Variants in EIF4G3 observed in about 807,000 individuals in gnomAD.
EIF4G3 encodes eukaryotic translation initiation factor 4 gamma 3.
A neutral mutation model predicts 186.4 loss-of-function variants in EIF4G3; 34 were observed. The ratio of observed to expected loss-of-function variants is 0.18; its 90% CI spans 0.14 to 0.24. EIF4G3 has a LOEUF of 0.24. Among genes scored for constraint, EIF4G3 ranks in the 10% least tolerant of loss-of-function variants. EIF4G3 has a pLI of 1.00. For synonymous variants in EIF4G3, 673 were observed against 679.5 expected (o/e 0.99, Z 0.15); for missense variants, 1,536 against 1,948.5 (o/e 0.79, Z 3.99).
intron 15 of EIF4G3, among the ~76,000 whole-genome samples, chr1:20,900,275 C>T (rs1558143253): frequency 6.6e-6 from 1 of 152,066 alleles, no homozygotes; most frequent in Non-Finnish European, 1.5e-5. Context: ...CTAAAACAAG[C>T]ACTACACTAC....
chr1:20,931,337 A>G (rs1239890422), intron 14 of EIF4G3, among the ~76,000 whole-genome samples: 4 of 152,164 alleles, frequency 2.6e-5, no homozygotes, highest in African/African-American at 7.2e-5. Flanking sequence ...AATGTGCAGT[A>G]GTATTTTGAA....
intron 16 of EIF4G3, 71 bp downstream of exon 16, chr1:20,899,626 A>G: frequency 1.3e-6 from 2 of 1,556,016 alleles, no homozygotes; most frequent in East Asian, 4.5e-5. Context: ...TCTCTCTAAA[A>G]AGAGGCAACA....
intron 14 of EIF4G3, among the ~76,000 whole-genome samples, chr1:20,905,907 A>G (rs925253963): frequency 5.3e-5 from 8 of 152,202 alleles, no homozygotes; most frequent in African/African-American, 1.7e-4. Flanking sequence ...CTACAGAAAT[A>G]TAAGATAATT....
intron 4 of EIF4G3, among the ~76,000 whole-genome samples, chr1:21,033,522 G>GC (rs1383067602): frequency 1.3e-5 from 2 of 152,050 alleles, no homozygotes; most frequent in Non-Finnish European, 2.9e-5. Flanking sequence ...CATTTATTTA[G>GC]CATCCTATGA....
chr1:21,118,495 A>G (rs1186915163), intron 2 of EIF4G3, among the ~76,000 whole-genome samples: 1 of 152,174 alleles, frequency 6.6e-6, no homozygotes, highest in Non-Finnish European at 1.5e-5. Flanking sequence ...GATTAGATAT[A>G]GAAATGTTGG....
At chr1:20,869,365 C>G (rs2078478623) in intron 20 of EIF4G3, among the ~76,000 whole-genome samples, 2 of 119,920 alleles carry the variant, frequency 1.7e-5, no homozygotes, top group Admixed American at 2.3e-4. Flanking sequence ...CAAGGCTAGT[C>G]TCAAACTTCG....
chr1:21,094,765 T>TATAATA (rs368168938), intron 2 of EIF4G3, among the ~76,000 whole-genome samples: 35,785 of 140,584 alleles, frequency 0.25, 4,713 homozygotes, highest in Middle Eastern at 0.35. Context: ...GAACTTAAAG[T>TATAATA]ATAATAATAA....
At chr1:21,166,619 C>T (rs1045592835) in intron 2 of EIF4G3, among the ~76,000 whole-genome samples, 6 of 152,082 alleles carry the variant, frequency 3.9e-5, no homozygotes, top group Non-Finnish European at 5.9e-5. Context: ...CCCAGCTACT[C>T]GGGAGGCTGA....
Position 20,862,611 on chromosome 1 carries a change from T to A in EIF4G3, c.3007-279A>T, listed in dbSNP as rs545042158. On this transcript the variant is annotated intron_variant, in intron 22 of 36. Transcript: ENST00000602326. ...AATTTTTTGTAGAGACAGGGTCTCA[T>A]TATGTTGCTCAGGCTGGTCTTGAAC... 2.0e-5 allele frequency among the ~76,000 whole-genome samples: 3 copies of A among 152,116 alleles called. No individual in the cohort carries two copies. In the South Asian group the frequency reaches 6.2e-4, roughly 32 times the overall value.
intron 7 of EIF4G3, among the ~76,000 whole-genome samples, chr1:20,983,081 C>T (rs999654296): frequency 7.9e-5 from 12 of 152,148 alleles, no homozygotes; most frequent in African/African-American, 2.9e-4. Flanking sequence ...TACTCTTAGG[C>T]ATCAAACCAC....
chr1:21,138,125 A>G (rs2097278098), intron 2 of EIF4G3, among the ~76,000 whole-genome samples: 1 of 152,212 alleles, frequency 6.6e-6, no homozygotes, highest in Admixed American at 6.5e-5. Flanking sequence ...TCAAAGTCAG[A>G]CCACAACATC....
At chr1:20,929,280 T>G (rs553808291) in intron 14 of EIF4G3, 1 of 152,236 alleles carries the variant, frequency 6.6e-6, no homozygotes, top group South Asian at 2.1e-4. Flanking sequence ...AACTACAGAT[T>G]TTCCTTCACT....
intron 13 of EIF4G3, among the ~76,000 whole-genome samples, chr1:20,944,658 A>T (rs1419788374): frequency 6.6e-6 from 1 of 152,162 alleles, no homozygotes; most frequent in Admixed American, 6.5e-5. Flanking sequence ...ATGTTGGGAA[A>T]CAATTTCTGA....
chr1:20,871,118 T>C (rs1037052506), intron 20 of EIF4G3, among the ~76,000 whole-genome samples: 3 of 152,206 alleles, frequency 2.0e-5, no homozygotes, highest in Non-Finnish European at 4.4e-5. Context: ...AAAATAATTT[T>C]ATACTCTAGG....
chr1:20,971,825 G>T (rs947343827), intron 11 of EIF4G3, among the ~76,000 whole-genome samples: 1 of 152,160 alleles, frequency 6.6e-6, no homozygotes, highest in Admixed American at 6.5e-5. Context: ...GTAGAGATGG[G>T]TTTTCGCCAT....
At chr1:21,053,727 T>A (rs1385661245) in intron 3 of EIF4G3, among the ~76,000 whole-genome samples, 2 of 142,672 alleles carry the variant, frequency 1.4e-5, no homozygotes, top group African/African-American at 5.3e-5. Flanking sequence ...TGTTGGGGGG[T>A]CAGCCCCCGC....
intron 36 of EIF4G3, among the ~76,000 whole-genome samples, chr1:20,807,767 T>G (rs2058348222): frequency 7.0e-6 from 1 of 142,248 alleles, no homozygotes; most frequent in African/African-American, 2.6e-5. Flanking sequence ...TTTTTTTTTT[T>G]TTTTTTTTTT....
intron 34 of EIF4G3, among the ~76,000 whole-genome samples, chr1:20,814,467 AC>A (rs2059944799): frequency 6.6e-6 from 1 of 152,168 alleles, no homozygotes; most frequent in Non-Finnish European, 1.5e-5. Context: ...CCACTTAAAA[AC>A]ATATTTTATT....
intron 24 of EIF4G3, 46 bp from the exon 25 acceptor site, chr1:20,857,543 T>C (rs970345644): frequency 2.0e-6 from 3 of 1,481,584 alleles, no homozygotes; most frequent in African/African-American, 2.8e-5. Flanking sequence ...CTCAAGTCAG[T>C]TTTACATTGA....
Sources: allele counts gnomAD v4.1 joint callset (sites outside exome capture counted in the v4.1 genomes callset), GRCh38; gene constraint gnomAD v4.1.1; transcripts MANE v1.5; gene names NCBI Gene and HGNC (gene_info 2026-07-23, HGNC 2026-07-21).